The following CD99 variants were observed in gnomAD, a reference collection of about 807,000 sequenced individuals.
The protein encoded by CD99 is CD99 antigen.
Under a neutral mutation model 28.4 loss-of-function variants are expected in CD99, and 19 were observed. That is an observed-to-expected ratio of 0.67 (90% CI 0.47 to 0.98). The LOEUF (loss-of-function observed/expected upper bound fraction) is 0.98. CD99 is among the 50% of genes least tolerant of loss of function. CD99 has a pLI of 0.00. For missense variants in CD99, 283 were observed against 248.8 expected, an observed-to-expected ratio of 1.14 and a Z score of -0.92; for synonymous variants, 103 against 92.1, an observed-to-expected ratio of 1.12 and a Z score of -0.67.
At position 2,740,954 on chromosome X, in the gene CD99, T is replaced by C; in HGVS notation, c.*150T>C. The C allele has an allele frequency of 1.1e-6, 1 of 892,362 alleles. No homozygotes were observed. The highest frequency in any genetic ancestry group is 1.9e-6 in the Non-Finnish European group (1 of 536,544). The allele number at this position is 892,362 out of a possible 1,614,324, so 55.3% of individuals were successfully genotyped here. On this transcript the variant is annotated 3_prime_UTR_variant, in exon 10 of 10. Coordinates refer to ENST00000381192, the MANE Select transcript of CD99 (RefSeq NM_002414.5). ...GTTTTAATCTTGCGATGTGCTTTGC[T>C]TGTTGCTGGGCGGATGATGTTTACT...
chrX:2,703,113 T>A (rs2047944223), intron 1 of CD99, among the ~76,000 whole-genome samples: 1 of 152,104 alleles, frequency 6.6e-6, no homozygotes. Context: ...CAATAGCACA[T>A]GTTCTCAGCT....
At chrX:2,691,669 C>T (rs767882693) in intron 1 of CD99, 1 of 704,412 alleles carries the variant, frequency 1.4e-6, no homozygotes, top group African/African-American at 1.7e-5. Flanking sequence ...GTTGCAAACT[C>T]TTACATGTGG....
intron 8 of CD99, among the ~76,000 whole-genome samples, chrX:2,737,023 C>G (rs905806944): frequency 2.0e-5 from 3 of 151,934 alleles, no homozygotes; most frequent in Non-Finnish European, 4.4e-5. Flanking sequence ...AGTCCTCACT[C>G]ACCTCTCTGC....
At chrX:2,700,272 G>T (rs914821674) in intron 1 of CD99, among the ~76,000 whole-genome samples, 4 of 152,142 alleles carry the variant, frequency 2.6e-5, no homozygotes, top group Non-Finnish European at 5.9e-5. Context: ...CTTGAATCCT[G>T]GTGGTGAACT....
chrX:2,709,487 G>T (rs2048284818), intron 1 of CD99, among the ~76,000 whole-genome samples: 1 of 152,214 alleles, frequency 6.6e-6, no homozygotes, highest in Admixed American at 6.5e-5. Flanking sequence ...AAACAGGTGT[G>T]CATTCAGCAC....
chrX:2,728,486 G>A lies in CD99; in HGVS notation c.475+2113G>A, dbSNP rs187008604. ...GTTGGGATTGCAGGCGTGAGCCACC[G>A]TGCCCAGCTGGTGTTTGGTTGATTG... On this transcript the variant is annotated intron_variant, in intron 8 of 9. Transcript: ENST00000381192. Among the ~76,000 whole-genome samples, 538 of 152,132 alleles carry A rather than the reference G, an allele frequency of 3.5e-3. 4 individuals are homozygous for A. The highest frequency in any genetic ancestry group is 0.012 in the African/African-American group (503 of 41,494).
chrX:2,728,429 T>C (rs1270778972), intron 8 of CD99, among the ~76,000 whole-genome samples: 2 of 151,854 alleles, frequency 1.3e-5, no homozygotes. Flanking sequence ...CTCCTGACCT[T>C]GGATGATCCG....
rs760326127 is a variant in CD99, at chrX:2,691,338, T to C, written c.-23T>C. 2 of 1,546,898 alleles carry C rather than the reference T, an allele frequency of 1.3e-6. No individual in the cohort carries two copies. Among genetic ancestry groups the C allele is most frequent in the African/African-American group, 2.8e-5 (2 of 71,372 alleles). On this transcript the variant is annotated 5_prime_UTR_variant, in exon 1 of 10. Coordinates refer to ENST00000381192, the MANE Select transcript of CD99 (RefSeq NM_002414.5). ...GCCCACGCCCTGCACTCCGGGACCG[T>C]CCCTGCGCGCTCTGGGCGCACCATG...
At chrX:2,727,216 G>A in intron 8 of CD99, 2 of 742,750 alleles carry the variant, frequency 2.7e-6, no homozygotes, top group Non-Finnish European at 5.0e-6. Flanking sequence ...CCCAGGACCT[G>A]GGAAGTTTCT....
At chrX:2,726,118 G>C in intron 7 of CD99, 142 bp from the exon 8 acceptor site, 1 of 619,834 alleles carries the variant, frequency 1.6e-6, no homozygotes, top group Non-Finnish European at 2.9e-6. Context: ...TGCTTCCTTT[G>C]CAAATCGGTC....
chrX:2,692,796 A>G (rs2047391371), intron 1 of CD99, among the ~76,000 whole-genome samples: 1 of 152,128 alleles, frequency 6.6e-6, no homozygotes. Flanking sequence ...GCATTCCTTC[A>G]TCCTTCATGC....
At chrX:2,719,527 AT>A in intron 3 of CD99, 133 bp from the exon 4 acceptor site, 1 of 750,842 alleles carries the variant, frequency 1.3e-6, no homozygotes, top group Non-Finnish European at 2.4e-6. Context: ...TTCTAATGAG[AT>A]CCTGGTCAAG....
intron 8 of CD99, among the ~76,000 whole-genome samples, chrX:2,729,023 G>A (rs941412249): frequency 9.2e-5 from 14 of 152,078 alleles, no homozygotes; most frequent in African/African-American, 3.4e-4. Flanking sequence ...TAGAGATGGG[G>A]GTTCACCATG....
Position 2,717,631 on chromosome X carries a change from A to G in CD99, c.127A>G (p.Ile43Val). 2 of 1,613,782 alleles carry G rather than the reference A, an allele frequency of 1.2e-6. No individual in the cohort carries two copies. Among genetic ancestry groups the G allele is most frequent in the Non-Finnish European group, 1.7e-6 (2 of 1,179,680 alleles). Residue 43 changes from isoleucine to valine, a missense_variant, in exon 3 of 10, where the codon ATC becomes GTC. Ile to Val is a conservative substitution (Grantham distance 29, BLOSUM62 3). Transcript: ENST00000381192. ...PDNENKKPTA[I>V]PKKPSAGDDF... The stretch of plus-strand genomic sequence containing the variant: ...CAATGAAAACAAGAAACCCACTGCA[A>G]TCCCCAAGAAACCCAGTGCTGGTGA...
At chrX:2,717,317 C>A in intron 2 of CD99, 1 of 375,236 alleles carries the variant, frequency 2.7e-6, no homozygotes, top group Non-Finnish European at 4.8e-6. Flanking sequence ...CATTGCACTC[C>A]AGCTTGGGTA....
At chrX:2,692,152 A>C in intron 1 of CD99, 3 of 550,646 alleles carry the variant, frequency 5.4e-6, no homozygotes, top group Middle Eastern at 9.7e-4. Flanking sequence ...GCCTATTTCT[A>C]ATTATTACTT....
At chrX:2,739,451 T>C (rs1417778324) in intron 9 of CD99, among the ~76,000 whole-genome samples, 2 of 151,802 alleles carry the variant, frequency 1.3e-5, no homozygotes, top group Admixed American at 6.6e-5. Flanking sequence ...TAAAATATTT[T>C]AATTTTTTTT....
At chrX:2,731,142 C>T (rs1266175429) in intron 8 of CD99, among the ~76,000 whole-genome samples, 2 of 152,086 alleles carry the variant, frequency 1.3e-5, no homozygotes, top group East Asian at 1.9e-4. Context: ...ATCCGGAAGA[C>T]GAAAGATGTC....
intron 3 of CD99, among the ~76,000 whole-genome samples, chrX:2,718,200 G>A (rs942533455): frequency 2.6e-5 from 4 of 151,738 alleles, no homozygotes; most frequent in Non-Finnish European, 5.9e-5. Flanking sequence ...CAAAGTGCTG[G>A]GATTACAGCG....
Sources: gnomAD v4.1 joint callset for allele counts (sites outside exome capture counted in the v4.1 genomes callset) on GRCh38, gnomAD v4.1.1 for gene constraint, MANE v1.5 for transcripts, NCBI Gene and HGNC (gene_info 2026-07-23, HGNC 2026-07-21) for gene names.